PCDHGA7: variants seen among roughly 807,000 people sequenced by gnomAD.
PCDHGA7 encodes protocadherin gamma subfamily A, 7, also known as protocadherin gamma-A7.
A neutral mutation model predicts 58.3 loss-of-function variants in PCDHGA7; 44 were observed. The ratio of observed to expected loss-of-function variants is 0.75; its 90% CI spans 0.59 to 0.97. PCDHGA7 has a LOEUF of 0.97. Ranked by LOEUF, PCDHGA7 falls within the 50% of genes least tolerant of loss-of-function variation. The pLI is 0.00. For missense variants in PCDHGA7, 1,266 were observed against 1,188.7 expected (o/e 1.06, Z -0.96); for synonymous variants, 516 against 504.2 (o/e 1.02, Z -0.31).
chr5:141,485,674 T>C lies in PCDHGA7; in HGVS notation c.2425-9133T>C. 1 of 1,612,986 alleles carries C rather than the reference T, an allele frequency of 6.2e-7. No homozygotes were observed. Among genetic ancestry groups the C allele is most frequent in the South Asian group, 1.1e-5 (1 of 91,072 alleles). Reference sequence around the variant, plus strand: ...ATGCAGATGTGGGGAGCAATTCGATTAGCAGCTATAGGCTGAGCTCCAATG... The same window carrying C: ...ATGCAGATGTGGGGAGCAATTCGATCAGCAGCTATAGGCTGAGCTCCAATG... On this transcript the variant is annotated intron_variant, in intron 1 of 3. Transcript: ENST00000518325. This position sits in a 1 kb window ranked among gnomAD's most constrained non-coding sequence, Gnocchi z 5.7.
rs951185891 is a variant in PCDHGA7, at chr5:141,494,814, C to T, written c.2432C>T (p.Pro811Leu). 7 of 1,614,152 alleles carry T rather than the reference C, an allele frequency of 4.3e-6. No individual in the cohort carries two copies. The highest frequency in any genetic ancestry group is 1.7e-5 in the Admixed American group (1 of 60,024). Residue 811 changes from proline to leucine, a missense_variant, in exon 2 of 4, where the codon CCG becomes CTG. By Grantham distance (98) the Pro-to-Leu change is moderately conservative (BLOSUM62 -3). Transcript: ENST00000518325. The part of the protein sequence containing the change: ...KENLPSIQQA[P>L]PNTDWRFSQA... ...CCTCTGTTTTCTCCACAGCAAGCCCCGCCCAACACGGACTGGCGTTTCTCT... is the reference window on the plus strand; with the variant it reads ...CCTCTGTTTTCTCCACAGCAAGCCCTGCCCAACACGGACTGGCGTTTCTCT...
chr5:141,419,378 G>C (rs777509820), intron 1 of PCDHGA7: 3 of 1,613,712 alleles, frequency 1.9e-6, no homozygotes, highest in Admixed American at 3.3e-5. Context: ...CTACGTGTCC[G>C]TGAGCGCGCA....
chr5:141,415,206 G>A, intron 1 of PCDHGA7: 4 of 1,614,054 alleles, frequency 2.5e-6, no homozygotes, highest in African/African-American at 1.3e-5. Flanking sequence ...AAGTCCTGGC[G>A]GACCTCGGCA....
Position 141,476,559 on chromosome 5 carries a change from T to C in PCDHGA7, c.2425-18248T>C. The stretch of plus-strand genomic sequence containing the variant: ...ATGAAATTGGAGATTAGCGAGGCCG[T>C]GGCTCCGGGGACGCGCTTTCCGCTC... On this transcript the variant is annotated intron_variant, in intron 1 of 3. Coordinates refer to ENST00000518325, the MANE Select transcript of PCDHGA7 (RefSeq NM_018920.4). This position sits in a 1 kb window ranked among gnomAD's most constrained non-coding sequence, Gnocchi z 7.6. 4 of 1,614,228 alleles carry C rather than the reference T, an allele frequency of 2.5e-6. No homozygotes were observed. Among genetic ancestry groups the C allele is most frequent in the Non-Finnish European group, 3.4e-6 (4 of 1,180,036 alleles).
intron 1 of PCDHGA7, among the ~76,000 whole-genome samples, chr5:141,443,832 A>G (rs2098407108): frequency 6.6e-6 from 1 of 152,224 alleles, no homozygotes; most frequent in African/African-American, 2.4e-5. Context: ...ATTAGGTAAA[A>G]TGGGTAATAT....
chr5:141,383,704 C>A lies in PCDHGA7; in HGVS notation c.805C>A (p.Leu269Met). Residue 269 changes from leucine (L) to methionine (M), a missense_variant, in exon 1 of 4, where the codon CTG (leucine) becomes ATG (methionine). Leu to Met is a conservative substitution (Grantham distance 15). Transcript: ENST00000518325. The stretch of plus-strand genomic sequence containing the variant: ...ACTGCTCACGGTACATGCTATCGAC[C>A]TGGACGAGGGAGTCAATGGGGAAGT... ...TRLLTVHAID[L>M]DEGVNGEVTY... 6.2e-7 allele frequency: 1 copy of A among 1,613,980 alleles called. No individual in the cohort carries two copies. Among genetic ancestry groups the A allele is most frequent in the South Asian group, 1.1e-5 (1 of 91,080 alleles).
chr5:141,389,590 G>T (rs1409328445), intron 1 of PCDHGA7: 1 of 1,613,014 alleles, frequency 6.2e-7, no homozygotes, highest in Non-Finnish European at 8.5e-7. Context: ...GGTCCCGACG[G>T]CTCTGCGCTC....
intron 1 of PCDHGA7, among the ~76,000 whole-genome samples, chr5:141,479,798 G>C (rs892288776): frequency 6.6e-6 from 1 of 152,234 alleles, no homozygotes; most frequent in East Asian, 1.9e-4. Context: ...ATTAATTCAG[G>C]GTGGTATGCA....
At position 141,409,564 on chromosome 5, in the gene PCDHGA7, G is replaced by C. The variant is rs374234556; in HGVS notation, c.2424+24241G>C. ...ACGACAACGCCCCAGTTTTCGACCA[G>C]ACGTCCTACGTGGTCCACGTGGCCG... On this transcript the variant is annotated intron_variant, in intron 1 of 3. Coordinates refer to ENST00000518325, the MANE Select transcript of PCDHGA7 (RefSeq NM_018920.4). The C allele has an allele frequency of 4.0e-5, 64 of 1,613,870 alleles. No individual in the cohort carries two copies. Among genetic ancestry groups the C allele is most frequent in the Non-Finnish European group, 5.2e-5 (61 of 1,179,914 alleles).
rs17097211 is a variant in PCDHGA7 at position 141,423,498 on chromosome 5, G to A, written c.2424+38175G>A. 9.4e-4 allele frequency: 1,510 copies of A among 1,613,948 alleles called. 9 individuals are homozygous for A. In the African/African-American group the frequency reaches 0.016, roughly 17 times the overall value. ...CTTTCCTGCAAACCTATTCCCACGA[G>A]GTCTCTCTCATTGCGGACTCGCAGA... On this transcript the variant is annotated intron_variant, in intron 1 of 3. Transcript: ENST00000518325.
At chr5:141,419,600 G>A (rs1304962440) in intron 1 of PCDHGA7, 3 of 1,611,816 alleles carry the variant, frequency 1.9e-6, no homozygotes, top group Non-Finnish European at 2.5e-6. Context: ...AGTGCCGCGG[G>A]CCGCGCAGCC....
chr5:141,457,111 G>A (rs922281700), intron 1 of PCDHGA7, among the ~76,000 whole-genome samples: 4 of 152,120 alleles, frequency 2.6e-5, no homozygotes, highest in South Asian at 2.1e-4. Flanking sequence ...AGCAAAATAC[G>A]ACAGCAATGG....
At chr5:141,417,585 G>T in intron 1 of PCDHGA7, 1 of 462,794 alleles carries the variant, frequency 2.2e-6, no homozygotes, top group South Asian at 4.9e-5. Context: ...GTCCCACACA[G>T]AGCCTCTGGG....
chr5:141,384,217 A>G lies in PCDHGA7; in HGVS notation c.1318A>G (p.Met440Val), dbSNP rs1026607669. 6 of 1,613,776 alleles carry G rather than the reference A, an allele frequency of 3.7e-6. No homozygotes were observed. The African/African-American group carries it at 8.0e-5, about 22-fold the overall frequency. Residue 440 changes from methionine (M) to valine (V), a missense_variant, in exon 1 of 4, where the codon ATG (methionine) becomes GTG (valine). Coordinates refer to ENST00000518325, the MANE Select transcript of PCDHGA7 (RefSeq NM_018920.4). Reference protein sequence around the residue: ...PPLSRETHIFMQVADTNDNPP... With the variant: ...PPLSRETHIFVQVADTNDNPP... The stretch of plus-strand genomic sequence containing the variant: ...CTTGTCCAGGGAAACTCACATATTC[A>G]TGCAGGTGGCAGACACCAACGATAA...
intron 2 of PCDHGA7, among the ~76,000 whole-genome samples, chr5:141,500,739 C>T (rs1199462920): frequency 6.6e-6 from 1 of 152,114 alleles, no homozygotes; most frequent in Non-Finnish European, 1.5e-5. Context: ...CAAAATTCTT[C>T]CCAAGTCATT....
At chr5:141,414,489 G>C (rs754325517) in intron 1 of PCDHGA7, 2 of 1,613,872 alleles carry the variant, frequency 1.2e-6, no homozygotes, top group South Asian at 2.2e-5. Context: ...CTCTATCAAC[G>C]GAAGCTCACT....
chr5:141,487,813 TG>T lies in PCDHGA7; in HGVS notation c.2425-6989del. 7.2e-7 allele frequency: 1 copy of T among 1,384,138 alleles called. No homozygotes were observed. 85.7% of individuals were successfully genotyped at this position (1,384,138 alleles called of 1,614,324 possible). A position where few individuals can be genotyped will look rare whatever the true frequency, so the allele number is the denominator to read the frequency against. On this transcript the variant is annotated intron_variant, in intron 1 of 3. Transcript: ENST00000518325. This position sits in a 1 kb window ranked among gnomAD's most constrained non-coding sequence, Gnocchi z 5.0. Reference sequence around the variant, plus strand: ...AACCAGAGTTGTCACAGTTTAGCATTGGGGGCGGGTCATGCCTATATCTGAG... The same window carrying T: ...AACCAGAGTTGTCACAGTTTAGCATTGGGGCGGGTCATGCCTATATCTGAG...
At chr5:141,445,086 A>T (rs190267063) in intron 1 of PCDHGA7, among the ~76,000 whole-genome samples, 163 of 152,322 alleles carry the variant, frequency 1.1e-3, no homozygotes, top group African/African-American at 3.6e-3. Flanking sequence ...TTGTCCCTAC[A>T]TATTTGATGT....
chr5:141,414,116 A>C (rs760214999), intron 1 of PCDHGA7: 2 of 1,592,434 alleles, frequency 1.3e-6, no homozygotes, highest in Non-Finnish European at 1.7e-6. Context: ...CTAGATTATG[A>C]AGAAACCGGT....
Sources: allele counts gnomAD v4.1 joint callset (sites outside exome capture counted in the v4.1 genomes callset), GRCh38; gene constraint gnomAD v4.1.1; non-coding constraint Gnocchi (gnomAD v3.1); transcripts MANE v1.5; gene names NCBI Gene and HGNC (gene_info 2026-07-23, HGNC 2026-07-21).